ERC1: variants seen among roughly 807,000 people sequenced by gnomAD.
ERC1 encodes the protein ELKS/RAB6-interacting/CAST family member 1.
ERC1 carries 56 observed loss-of-function variants against 132.0 expected under a neutral mutation model. The observed-to-expected ratio is 0.42, with a 90% CI of 0.34 to 0.53. The LOEUF is 0.53. Ranked by LOEUF, ERC1 falls within the 20% of genes least tolerant of loss-of-function variation. The pLI is 0.03. For synonymous variants in ERC1, 478 were observed against 476.1 expected (o/e 1.00, Z -0.05); for missense variants, 1,202 against 1,349.9 (o/e 0.89, Z 1.72).
intron 3 of ERC1, among the ~76,000 whole-genome samples, chr12:1,092,208 A>AT (rs1299472919): frequency 2.0e-5 from 3 of 152,152 alleles, no homozygotes; most frequent in Non-Finnish European, 4.4e-5. Flanking sequence ...CATGTTGGTC[A>AT]GGCTGGTCTT....
chr12:1,020,534 C>T (rs1013435587), intron 1 of ERC1: 4 of 152,198 alleles, frequency 2.6e-5, no homozygotes, highest in Admixed American at 6.5e-5. Context: ...CTCAGGGTAT[C>T]TAGTGAGGTT....
At chr12:1,082,445 C>T (rs940449574) in intron 2 of ERC1, among the ~76,000 whole-genome samples, 5 of 148,332 alleles carry the variant, frequency 3.4e-5, no homozygotes, top group South Asian at 2.2e-4. Flanking sequence ...TGAGCCCCCG[C>T]GCCTGGCCAT....
At chr12:1,441,093 G>GC (rs1262752542) in intron 17 of ERC1, among the ~76,000 whole-genome samples, 1 of 149,446 alleles carries the variant, frequency 6.7e-6, no homozygotes, top group Non-Finnish European at 1.5e-5. Flanking sequence ...AGATCTTGCT[G>GC]CAATGCCCAG....
At chr12:1,276,192 A>C (rs1028600627) in intron 14 of ERC1, among the ~76,000 whole-genome samples, 1 of 151,432 alleles carries the variant, frequency 6.6e-6, no homozygotes, top group African/African-American at 2.4e-5. Flanking sequence ...TGACCTTCCA[A>C]GTCTGAGTTA....
At position 1,440,628 on chromosome 12, in the gene ERC1, G is replaced by T. The variant is rs1407685932; in HGVS notation, c.3025-3934G>T. On this transcript the variant is annotated intron_variant, in intron 17 of 18. Transcript: ENST00000360905. ...TGTGTGTGTGTGTGTGTGTGTGTGT[G>T]TGTGTGTGTGTGTGTGTGTGTGTGT... Among the ~76,000 whole-genome samples, 262 of 113,934 alleles carry T rather than the reference G, an allele frequency of 2.3e-3. 25 individuals are homozygous for T. The highest frequency in any genetic ancestry group is 0.012 in the African/African-American group (252 of 21,760). The allele number at this position is 113,934 out of a possible 152,430, so 74.7% of individuals were successfully genotyped here. A position where few individuals can be genotyped will look rare whatever the true frequency, so the allele number is the denominator to read the frequency against.
At chr12:1,362,740 T>C (rs1591540927) in intron 15 of ERC1, among the ~76,000 whole-genome samples, 1 of 152,104 alleles carries the variant, frequency 6.6e-6, no homozygotes, top group African/African-American at 2.4e-5. Flanking sequence ...CTTTCATAGG[T>C]GTAGAGTTTC....
intron 12 of ERC1, among the ~76,000 whole-genome samples, chr12:1,208,649 T>C (rs1054734674): frequency 7.2e-5 from 11 of 152,332 alleles, no homozygotes; most frequent in Non-Finnish European, 1.3e-4. Context: ...GGAAACTGCA[T>C]GCAGCTCTAT....
chr12:1,494,697 C>T lies in ERC1; in HGVS notation c.*4467C>T. The T allele has an allele frequency of 4.3e-6, 1 of 231,286 alleles. No individual in the cohort carries two copies. The highest frequency in any genetic ancestry group is 8.6e-6 in the Non-Finnish European group (1 of 116,766). 14.3% of individuals were successfully genotyped at this position (231,286 alleles called of 1,614,324 possible). On this transcript the variant is annotated 3_prime_UTR_variant, in exon 19 of 19. Coordinates refer to ENST00000360905, the MANE Select transcript of ERC1 (RefSeq NM_178040.4). ...GGGTTTTTGTCCCATCCCACCTCCTCTCTTCTTTCTCTGCTTGTCGATATT... is the reference window on the plus strand; with the variant it reads ...GGGTTTTTGTCCCATCCCACCTCCTTTCTTCTTTCTCTGCTTGTCGATATT...
intron 16 of ERC1, among the ~76,000 whole-genome samples, chr12:1,404,819 A>G (rs1373793399): frequency 1.3e-5 from 2 of 152,194 alleles, no homozygotes; most frequent in East Asian, 3.9e-4. Context: ...TAATACCACC[A>G]AATCAAAGGT....
At chr12:1,375,958 G>C (rs2087861072) in intron 16 of ERC1, among the ~76,000 whole-genome samples, 1 of 152,020 alleles carries the variant, frequency 6.6e-6, no homozygotes, top group South Asian at 2.1e-4. Context: ...GGCTGATCTT[G>C]AGCTCCAGAC....
chr12:1,295,773 A>C (rs2079873753), intron 15 of ERC1, among the ~76,000 whole-genome samples: 1 of 152,140 alleles, frequency 6.6e-6, no homozygotes, highest in South Asian at 2.1e-4. Context: ...GCAGATCAGC[A>C]TACCAAAGGT....
At chr12:1,083,886 T>A (rs1942588912) in intron 3 of ERC1, among the ~76,000 whole-genome samples, 1 of 152,244 alleles carries the variant, frequency 6.6e-6, no homozygotes, top group East Asian at 1.9e-4. Context: ...TCTCTAGATC[T>A]GTTCATAGAG....
rs566164612 is a variant in ERC1 at position 1,248,247 on chromosome 12, G to A, written c.2487+11343G>A. Among the ~76,000 whole-genome samples the A allele has an allele frequency of 3.4e-4, 52 of 152,286 alleles. 2 individuals carry two copies. Among genetic ancestry groups the A allele is most frequent in the Admixed American group, 3.3e-3 (51 of 15,294 alleles). ...GAATGCTTTCTAAGTGTCAGGCACT[G>A]TTGCTAATCTTTGGTTATACAGCAG... is the stretch of plus-strand genomic sequence containing the variant. On this transcript the variant is annotated intron_variant, in intron 13 of 18. Transcript: ENST00000360905.
At chr12:1,331,840 A>G (rs1345450937) in intron 15 of ERC1, among the ~76,000 whole-genome samples, 3 of 151,830 alleles carry the variant, frequency 2.0e-5, no homozygotes, top group Admixed American at 2.0e-4. Context: ...TTTAAGTTGT[A>G]TTTGAGCCCA....
intron 16 of ERC1, among the ~76,000 whole-genome samples, chr12:1,398,929 A>AT (rs2090769927): frequency 1.5e-5 from 1 of 68,820 alleles, no homozygotes; most frequent in Non-Finnish European, 2.9e-5. Context: ...CTTTTCTCCT[A>AT]CTTTTTTTTT....
In ERC1 at chr12:1,342,468, C is replaced by CAAAA. The variant is rs567114711; in HGVS notation, c.2781-29354_2781-29351dup. 4.0e-3 allele frequency among the ~76,000 whole-genome samples: 448 copies of CAAAA among 113,286 alleles called. 2 individuals are homozygous for CAAAA. Among genetic ancestry groups the CAAAA allele is most frequent in the South Asian group, 0.02 (67 of 3,288 alleles). The allele number at this position is 113,286 out of a possible 152,430, so 74.3% of individuals were successfully genotyped here. On this transcript the variant is annotated intron_variant, in intron 15 of 18. Transcript: ENST00000360905. The stretch of plus-strand genomic sequence containing the variant: ...GGCGACAAAGAGCGAAACTCTGTCT[C>CAAAA]AAAAAAAAAAAAAACAAAAAAAAGA...
At chr12:1,240,552 A>G (rs903675047) in intron 13 of ERC1, among the ~76,000 whole-genome samples, 4 of 152,098 alleles carry the variant, frequency 2.6e-5, no homozygotes, top group Non-Finnish European at 5.9e-5. Flanking sequence ...CTCTGGGTTC[A>G]TTTCTTAGCC....
At chr12:1,252,601 AATAC>A (rs1395065737) in intron 13 of ERC1, among the ~76,000 whole-genome samples, 1 of 152,154 alleles carries the variant, frequency 6.6e-6, no homozygotes, top group Non-Finnish European at 1.5e-5. Context: ...TATTTAATGA[AATAC>A]ATCTGCTTTT....
chr12:1,059,237 G>C (rs1973571226), intron 2 of ERC1, among the ~76,000 whole-genome samples: 1 of 152,134 alleles, frequency 6.6e-6, no homozygotes, highest in South Asian at 2.1e-4. Flanking sequence ...TGTTTTGATG[G>C]AGTCTTTAGG....
Sources: gnomAD v4.1 joint callset for allele counts (sites outside exome capture counted in the v4.1 genomes callset) on GRCh38, gnomAD v4.1.1 for gene constraint, MANE v1.5 for transcripts, NCBI Gene and HGNC (gene_info 2026-07-23, HGNC 2026-07-21) for gene names.